Variants in CDC40 observed in about 807,000 individuals in gnomAD.
CDC40 encodes cell division cycle 40, also known as pre-mRNA-processing factor 17.
In CDC40, 27 loss-of-function variants were observed where a neutral mutation model predicts 80.6. That is an observed-to-expected ratio of 0.33 (90% CI 0.25 to 0.46). The LOEUF (loss-of-function observed/expected upper bound fraction) is 0.46. CDC40 is among the 20% of genes least tolerant of loss of function. The pLI is 1.00. For missense variants in CDC40, 486 were observed against 694.1 expected, an observed-to-expected ratio of 0.70 and a Z score of 3.37; for synonymous variants, 221 against 232.6, an observed-to-expected ratio of 0.95 and a Z score of 0.45.
intron 1 of CDC40, among the ~76,000 whole-genome samples, chr6:110,182,537 C>T (rs1208017755): frequency 3.3e-5 from 5 of 152,226 alleles, no homozygotes; most frequent in Non-Finnish European, 4.4e-5. Context: ...TTCCTTCTTC[C>T]TCAGCCCCTG....
At chr6:110,227,394 C>T (rs977360494) in intron 13 of CDC40, among the ~76,000 whole-genome samples, 1 of 152,182 alleles carries the variant, frequency 6.6e-6, no homozygotes, top group Non-Finnish European at 1.5e-5. Context: ...TTGTCAAATG[C>T]TCTATCATTT....
At chr6:110,212,925 C>T (rs1012173250) in intron 7 of CDC40, among the ~76,000 whole-genome samples, 161 bp from the exon 8 acceptor site, 3 of 152,116 alleles carry the variant, frequency 2.0e-5, no homozygotes, top group East Asian at 1.9e-4. Context: ...GTCAATAAGG[C>T]CTGCTCTTGG....
At chr6:110,198,701 G>GT (rs1489660605) in intron 2 of CDC40, among the ~76,000 whole-genome samples, 2 of 152,080 alleles carry the variant, frequency 1.3e-5, no homozygotes, top group Non-Finnish European at 2.9e-5. Flanking sequence ...CTTCATTATT[G>GT]TTTGAGCTAA....
rs1562199146 is a variant in CDC40, at chr6:110,188,486, G to T, written c.190-4696G>T. 2.0e-5 allele frequency among the ~76,000 whole-genome samples: 3 copies of T among 152,144 alleles called. 1 individual carries two copies. The highest frequency in any genetic ancestry group is 2.0e-4 in the Admixed American group (3 of 15,274). On this transcript the variant is annotated intron_variant, in intron 1 of 14. Transcript: ENST00000307731. ...TTCTAGGGTGATATAGATAATATTT[G>T]TCATCTTTTCAATGGCCTAGCATTT...
At chr6:110,217,656 A>G in intron 9 of CDC40, 46 bp from the exon 10 acceptor site, 3 of 841,562 alleles carry the variant, frequency 3.6e-6, no homozygotes, top group Non-Finnish European at 6.3e-6. Flanking sequence ...AGAAGAAGAT[A>G]TATGATACTT....
In CDC40 at chr6:110,201,505, G is replaced by A. The variant is rs371777813; in HGVS notation, c.277-53G>A. On this transcript the variant is annotated intron_variant, in intron 2 of 14. Coordinates refer to ENST00000307731, the MANE Select transcript of CDC40 (RefSeq NM_015891.3). ...AGTAATTCTAACTTCCATATACTCAGAACTTTTGTGTCTTTCTTATTTTAT... is the reference window on the plus strand; with the variant it reads ...AGTAATTCTAACTTCCATATACTCAAAACTTTTGTGTCTTTCTTATTTTAT... 4 of 1,400,572 alleles carry A rather than the reference G, an allele frequency of 2.9e-6. No homozygotes were observed. The African/African-American group carries it at 5.8e-5, about 20-fold the overall frequency. The allele number at this position is 1,400,572 out of a possible 1,614,324, so 86.8% of individuals were successfully genotyped here. A position where few individuals can be genotyped will look rare whatever the true frequency, so the allele number is the denominator to read the frequency against.
chr6:110,205,044 T>G (rs546815215), intron 3 of CDC40, among the ~76,000 whole-genome samples: 1 of 152,318 alleles, frequency 6.6e-6, no homozygotes, highest in South Asian at 2.1e-4. Flanking sequence ...ATTTCTTTAT[T>G]GCAACTTGAT....
chr6:110,208,149 T>TA (rs1463550920), intron 4 of CDC40, among the ~76,000 whole-genome samples: 1 of 152,218 alleles, frequency 6.6e-6, no homozygotes, highest in Non-Finnish European at 1.5e-5. Context: ...AAATGCAATT[T>TA]AAAAAGTAAT....
intron 1 of CDC40, among the ~76,000 whole-genome samples, chr6:110,182,869 A>C (rs1370202335): frequency 2.6e-5 from 4 of 152,104 alleles, no homozygotes; most frequent in Non-Finnish European, 4.4e-5. Context: ...TTTTCTCCAC[A>C]GTGCACTTAG....
At chr6:110,213,248 T>A in intron 8 of CDC40, 88 bp downstream of exon 8, 2 of 846,140 alleles carry the variant, frequency 2.4e-6, no homozygotes, top group South Asian at 2.9e-5. Flanking sequence ...TTTGGGTTTG[T>A]TAGGCAATTA....
At chr6:110,185,087 G>A (rs1276813933) in intron 1 of CDC40, among the ~76,000 whole-genome samples, 1 of 152,132 alleles carries the variant, frequency 6.6e-6, no homozygotes, top group African/African-American at 2.4e-5. Flanking sequence ...GAAACGTAAT[G>A]AAACATTTTT....
chr6:110,218,560 T>G (rs1777728558), intron 10 of CDC40, among the ~76,000 whole-genome samples: 1 of 152,164 alleles, frequency 6.6e-6, no homozygotes, highest in Non-Finnish European at 1.5e-5. Context: ...AACGAAGCTC[T>G]CTCTGATGCC....
intron 2 of CDC40, among the ~76,000 whole-genome samples, chr6:110,200,608 A>G (rs1220285229): frequency 1.3e-5 from 2 of 152,142 alleles, no homozygotes; most frequent in African/African-American, 4.8e-5. Context: ...GTAATTTTTT[A>G]CTCAATTTTT....
Position 110,230,005 on chromosome 6 carries a change from G to A in CDC40, c.1614G>A (p.Lys538=), listed in dbSNP as rs145618482. ...GAAAATTAAACATTTGGGACTGGAA[G>A]ACCACAAAACTCTACAGTCGATTTA... ...GNGKLNIWDW[K]TTKLYSRFKA... Residue 538 remains lysine, a synonymous_variant, in exon 15 of 15, where the codon AAG becomes AAA. Coordinates refer to ENST00000307731, the MANE Select transcript of CDC40 (RefSeq NM_015891.3). The A allele has an allele frequency of 3.1e-6, 5 of 1,612,084 alleles. No homozygotes were observed. The highest frequency in any genetic ancestry group is 2.7e-5 in the African/African-American group (2 of 74,846).
At chr6:110,213,638 G>C (rs1271498267) in intron 8 of CDC40, among the ~76,000 whole-genome samples, 1 of 152,102 alleles carries the variant, frequency 6.6e-6, no homozygotes, top group Non-Finnish European at 1.5e-5. Context: ...AATCATTATA[G>C]AGATTTTGTA....
intron 7 of CDC40, 107 bp downstream of exon 7, chr6:110,212,379 G>A: frequency 8.8e-7 from 1 of 1,135,418 alleles, no homozygotes; most frequent in South Asian, 1.4e-5. Context: ...AAAGGTACAG[G>A]GAAGTCAAAT....
In CDC40 at chr6:110,230,317, T is replaced by C. The variant is rs1267823703; in HGVS notation, c.*186T>C. ...GCAACTTCATTTTGTTTTTTATAAA[T>C]GTTATTTATACAGAAAGTGGCTATT... On this transcript the variant is annotated 3_prime_UTR_variant, in exon 15 of 15. Coordinates refer to ENST00000307731, the MANE Select transcript of CDC40 (RefSeq NM_015891.3). 1 of 517,696 alleles carries C rather than the reference T, an allele frequency of 1.9e-6. No individual in the cohort carries two copies. Among genetic ancestry groups the C allele is most frequent in the South Asian group, 2.7e-5 (1 of 37,600 alleles). The allele number at this position is 517,696 out of a possible 1,614,324, so 32.1% of individuals were successfully genotyped here. A position where few individuals can be genotyped will look rare whatever the true frequency, so the allele number is the denominator to read the frequency against.
Position 110,230,010 on chromosome 6 carries a change from C to T in CDC40, c.1619C>T (p.Thr540Ile). 1 of 1,612,032 alleles carries T rather than the reference C, an allele frequency of 6.2e-7. No individual in the cohort carries two copies. The highest frequency in any genetic ancestry group is 8.5e-7 in the Non-Finnish European group (1 of 1,178,412). The change falls in exon 15 of 15, where the codon ACA becomes ATA. Residue 540 changes from threonine (T) to isoleucine (I), a missense_variant. Transcript: ENST00000307731. The part of the protein sequence containing the change: ...GKLNIWDWKT[T>I]KLYSRFKAHD... ...TTAAACATTTGGGACTGGAAGACCACAAAACTCTACAGTCGATTTAAAGCT... is the reference window on the plus strand; with the variant it reads ...TTAAACATTTGGGACTGGAAGACCATAAAACTCTACAGTCGATTTAAAGCT...
chr6:110,212,598 C>T lies in CDC40; in HGVS notation c.867+326C>T, dbSNP rs1777650232. Among the ~76,000 whole-genome samples the T allele has an allele frequency of 2.0e-5, 3 of 152,294 alleles. No homozygotes were observed. In the South Asian group the frequency reaches 6.2e-4, roughly 32 times the overall value. On this transcript the variant is annotated intron_variant, in intron 7 of 14. Transcript: ENST00000307731. The stretch of plus-strand genomic sequence containing the variant: ...AGTGAGTAATGGGCTGGTACTAGCA[C>T]CAAGTCTCCTGCTTAGCTTCAGTAA...
Sources: allele counts gnomAD v4.1 joint callset (sites outside exome capture counted in the v4.1 genomes callset), GRCh38; gene constraint gnomAD v4.1.1; transcripts MANE v1.5; gene names NCBI Gene and HGNC (gene_info 2026-07-23, HGNC 2026-07-21).